The following ROBO2 variants were observed in gnomAD, a reference collection of about 807,000 sequenced individuals.
ROBO2 encodes the protein roundabout homolog 2.
Under a neutral mutation model 160.8 loss-of-function variants are expected in ROBO2, and 53 were observed. The observed-to-expected ratio is 0.33, with a 90% confidence interval of 0.26 to 0.41. ROBO2 has a LOEUF of 0.41. Ranked by LOEUF, ROBO2 falls within the 10% of genes least tolerant of loss-of-function variation. ROBO2 has a pLI of 1.00. For missense variants in ROBO2, 1,577 were observed against 1,722.4 expected, an observed-to-expected ratio of 0.92 and a Z score of 1.49; for synonymous variants, 664 against 611.7, an observed-to-expected ratio of 1.09 and a Z score of -1.26.
chr3:76,970,416 G>A (rs2059517655), intron 2 of ROBO2, among the ~76,000 whole-genome samples: 1 of 152,164 alleles, frequency 6.6e-6, no homozygotes, highest in Admixed American at 6.5e-5. Context: ...GCATACTTGA[G>A]AGGTGACCTC....
At chr3:76,860,953 C>T (rs543871569) in intron 2 of ROBO2, among the ~76,000 whole-genome samples, 1 of 152,222 alleles carries the variant, frequency 6.6e-6, no homozygotes, top group Admixed American at 6.5e-5. Flanking sequence ...GCTTTCTCTT[C>T]AGCCCATTCA....
At chr3:77,340,364 T>C (rs562173596) in intron 2 of ROBO2, among the ~76,000 whole-genome samples, 16 of 152,242 alleles carry the variant, frequency 1.1e-4, no homozygotes, top group Non-Finnish European at 2.2e-4. Context: ...TCATGTCTCC[T>C]AACATGGATT....
chr3:76,733,756 G>C (rs2093669376), intron 2 of ROBO2, among the ~76,000 whole-genome samples: 1 of 152,100 alleles, frequency 6.6e-6, no homozygotes, highest in Admixed American at 6.5e-5. Flanking sequence ...ACTCATTTAT[G>C]TTTGTCCACT....
chr3:76,770,714 G>A (rs1015651602), intron 2 of ROBO2, among the ~76,000 whole-genome samples: 14 of 151,296 alleles, frequency 9.3e-5, no homozygotes, highest in African/African-American at 2.9e-4. Context: ...TTAAAACATT[G>A]TGTTTTTAAA....
chr3:76,564,707 G>A (rs1317759674), intron 2 of ROBO2, among the ~76,000 whole-genome samples: 1 of 152,174 alleles, frequency 6.6e-6, no homozygotes, highest in African/African-American at 2.4e-5. Context: ...GTACACACAG[G>A]TGGGGACAGG....
chr3:76,575,058 T>C (rs1700607554), intron 2 of ROBO2, among the ~76,000 whole-genome samples: 1 of 152,134 alleles, frequency 6.6e-6, no homozygotes, highest in African/African-American at 2.4e-5. Flanking sequence ...TTGTTTTAGA[T>C]ATTAGCCCTC....
intron 23 of ROBO2, chr3:77,632,227 G>T: frequency 3.2e-6 from 1 of 315,660 alleles, no homozygotes; most frequent in Non-Finnish European, 5.7e-6. Flanking sequence ...TTTAAACAAT[G>T]TAAGAGTTGA....
chr3:76,789,090 T>A (rs2063180718), intron 2 of ROBO2, among the ~76,000 whole-genome samples: 2 of 151,444 alleles, frequency 1.3e-5, no homozygotes. Flanking sequence ...TGGCTTCACA[T>A]AGGTTAGGAG....
At chr3:76,290,947 T>C (rs1416403897) in intron 2 of ROBO2, among the ~76,000 whole-genome samples, 1 of 152,280 alleles carries the variant, frequency 6.6e-6, no homozygotes, top group African/African-American at 2.4e-5. Context: ...TTTGCATCTA[T>C]GTTTGCATTA....
intron 2 of ROBO2, among the ~76,000 whole-genome samples, chr3:76,341,419 T>TAAAAAA (rs71277587): frequency 2.3e-5 from 1 of 44,240 alleles, no homozygotes; most frequent in Non-Finnish European, 4.6e-5. Context: ...TTTTAAAGCG[T>TAAAAAA]AAAAAAAAAA....
chr3:76,685,199 T>G (rs1451335518), intron 2 of ROBO2, among the ~76,000 whole-genome samples: 1 of 148,910 alleles, frequency 6.7e-6, no homozygotes, highest in Non-Finnish European at 1.5e-5. Flanking sequence ...TGTGTTTTTT[T>G]TTTTTTTTTT....
chr3:76,714,808 T>A (rs2093353697), intron 2 of ROBO2, among the ~76,000 whole-genome samples: 1 of 152,150 alleles, frequency 6.6e-6, no homozygotes, highest in South Asian at 2.1e-4. Context: ...CAGATCAGTA[T>A]CCGATGTGAA....
chr3:76,579,799 AAAAAAG>A (rs1305952703), intron 2 of ROBO2, among the ~76,000 whole-genome samples: 1 of 151,840 alleles, frequency 6.6e-6, no homozygotes, highest in African/African-American at 2.4e-5. Context: ...AAAAAAAAAA[AAAAAAG>A]AAAGAAAGAA....
At chr3:77,513,208 A>G (rs1280079921) in intron 5 of ROBO2, among the ~76,000 whole-genome samples, 1 of 151,804 alleles carries the variant, frequency 6.6e-6, no homozygotes, top group Non-Finnish European at 1.5e-5. Flanking sequence ...TCCTCCTCCT[A>G]AATTCTGTGT....
chr3:75,980,991 G>T (rs2065259875), intron 2 of ROBO2, among the ~76,000 whole-genome samples: 1 of 151,406 alleles, frequency 6.6e-6, no homozygotes, highest in Admixed American at 6.6e-5. Flanking sequence ...GTATTATTTT[G>T]TGCAATAGAA....
At chr3:77,369,467 C>A (rs139016443) in intron 2 of ROBO2, among the ~76,000 whole-genome samples, 1 of 152,268 alleles carries the variant, frequency 6.6e-6, no homozygotes, top group Non-Finnish European at 1.5e-5. Context: ...AAGCGATAAT[C>A]TTGTATAATG....
chr3:76,693,716 T>G (rs1235236641), intron 2 of ROBO2, among the ~76,000 whole-genome samples: 1 of 152,128 alleles, frequency 6.6e-6, no homozygotes, highest in Admixed American at 6.5e-5. Context: ...ATGGGGCCAC[T>G]GGTGCAAGTT....
intron 2 of ROBO2, among the ~76,000 whole-genome samples, chr3:77,183,287 G>T (rs1332735154): frequency 6.6e-6 from 1 of 151,940 alleles, no homozygotes; most frequent in African/African-American, 2.4e-5. Flanking sequence ...TTCTCAACTG[G>T]ACATATGCCT....
At position 77,099,076 on chromosome 3, in the gene ROBO2, T is replaced by TC. The variant is rs1560005755; in HGVS notation, c.388+736_388+737insC. 6.9e-5 allele frequency among the ~76,000 whole-genome samples: 9 copies of TC among 129,534 alleles called. No individual in the cohort carries two copies. In the South Asian group the frequency reaches 1.4e-3, roughly 20 times the overall value. 85.0% of individuals were successfully genotyped at this position (129,534 alleles called of 152,430 possible). ...AATTGTACTTTTCTTTCTTTCTTTTTTTTTTTTTTTTTTGAGACAGTGTCT... is the reference window on the plus strand; with the variant it reads ...AATTGTACTTTTCTTTCTTTCTTTTTCTTTTTTTTTTTTTGAGACAGTGTCT... On this transcript the variant is annotated intron_variant, in intron 2 of 25. Transcript: ENST00000461745.
Sources: gnomAD v4.1 joint callset for allele counts (sites outside exome capture counted in the v4.1 genomes callset) on GRCh38, gnomAD v4.1.1 for gene constraint, MANE v1.5 for transcripts, NCBI Gene and HGNC (gene_info 2026-07-23, HGNC 2026-07-21) for gene names.